Variants in PIGO observed in about 807,000 individuals in gnomAD.
PIGO encodes phosphatidylinositol glycan anchor biosynthesis class O, also known as GPI ethanolamine phosphate transferase 3, catalytic subunit.
Under a neutral mutation model 86.9 loss-of-function variants are expected in PIGO, and 66 were observed. The ratio of observed to expected loss-of-function variants is 0.76; its 90% confidence interval spans 0.62 to 0.93. The LOEUF (loss-of-function observed/expected upper bound fraction) is 0.93, where lower values mean the gene tolerates loss of function less well. PIGO is among the 40% of genes least tolerant of loss of function. The pLI is 0.00. For synonymous variants in PIGO, 570 were observed against 556.4 expected, an observed-to-expected ratio of 1.02 and a Z score of -0.34; for missense variants, 1,202 against 1,359.1, an observed-to-expected ratio of 0.88 and a Z score of 1.82.
In PIGO at chr9:35,090,635, C is replaced by G; in HGVS notation, c.2685G>C (p.Trp895Cys). 1 of 1,614,046 alleles carries G rather than the reference C, an allele frequency of 6.2e-7. No individual in the cohort carries two copies. The highest frequency in any genetic ancestry group is 8.5e-7 in the Non-Finnish European group (1 of 1,180,014). ...AGAAGGTCTGTGTGGCCATGAGGGC[C>G]CAAGCCGAGACTGCCTGCCATGGCA... ...FTVPWQAVSA[W>C]ALMATQTFYS... The change falls in exon 8 of 11, where the codon TGG becomes TGC. Residue 895 changes from tryptophan (W) to cysteine (C), a missense_variant. By Grantham distance (215) the Trp-to-Cys change is radical. Transcript: ENST00000378617.
Position 35,095,098 on chromosome 9 carries a change from G to A in PIGO, c.468C>T (p.His156=), listed in dbSNP as rs374876329. 68 of 1,612,120 alleles carry A rather than the reference G, an allele frequency of 4.2e-5. No individual in the cohort carries two copies. The highest frequency in any genetic ancestry group is 1.1e-4 in the African/African-American group (8 of 74,928). ...TAATGAGATTGTCTTCCACTATGGCGTGGCTGGCGAAGTTACTACCAGCAT... is the reference window on the plus strand; with the variant it reads ...TAATGAGATTGTCTTCCACTATGGCATGGCTGGCGAAGTTACTACCAGCAT... ...FIDAGSNFAS[H]AIVEDNLIKQ... The change falls in exon 2 of 11, where the codon CAC becomes CAT. Residue 156 remains histidine, a synonymous_variant. Coordinates refer to ENST00000378617, the MANE Select transcript of PIGO (RefSeq NM_032634.4).
chr9:35,091,240 C>G lies in PIGO; in HGVS notation c.2647G>C (p.Gly883Arg), dbSNP rs1321476050. The G allele has an allele frequency of 3.8e-6, 6 of 1,583,618 alleles. No homozygotes were observed. Among genetic ancestry groups the G allele is most frequent in the Non-Finnish European group, 5.2e-6 (6 of 1,164,510 alleles). The change falls in exon 7 of 11, where the codon GGT becomes CGT. Residue 883 changes from glycine to arginine, a missense_variant and splice_region_variant. Physicochemically the swap from Gly to Arg is moderately radical, Grantham distance 125 (BLOSUM62 -2). Coordinates refer to ENST00000378617, the MANE Select transcript of PIGO (RefSeq NM_032634.4). ...LAAGIPVTTP[G>R]PFTVPWQAVS... ...AGTGAATCAGAGCTGAGATATTTAC[C>G]AGGGGTGGTGACGGGTATCCCAGCA...
intron 9 of PIGO, 29 bp downstream of exon 9, chr9:35,090,037 C>G (rs1829340136): frequency 2.5e-6 from 4 of 1,592,864 alleles, no homozygotes; most frequent in African/African-American, 1.3e-5. Flanking sequence ...GAAAAAACAC[C>G]AACTCCCTGA....
At position 35,089,874 on chromosome 9, in the gene PIGO, G is replaced by T. The variant is rs1174857780; in HGVS notation, c.3069+192C>A. ...CAGATCTAGGTTGTAGAGGGGAAAT[G>T]ATCCAGGACTAGGATTAAGGAGACC... On this transcript the variant is annotated intron_variant, in intron 9 of 10. Coordinates refer to ENST00000378617, the MANE Select transcript of PIGO (RefSeq NM_032634.4). 2.1e-6 allele frequency: 3 copies of T among 1,422,024 alleles called. No individual in the cohort carries two copies. In the African/African-American group the frequency reaches 4.3e-5, roughly 20 times the overall value. The allele number at this position is 1,422,024 out of a possible 1,614,324, so 88.1% of individuals were successfully genotyped here. A position where few individuals can be genotyped will look rare whatever the true frequency, so the allele number is the denominator to read the frequency against.
Position 35,088,882 on chromosome 9 carries a change from T to C in PIGO, c.*210A>G. ...CTTCGGAGACCGCCCCCCTTGTCCC[T>C]CAGATGCATCCAAATCAGGAGTTAG... On this transcript the variant is annotated 3_prime_UTR_variant, in exon 11 of 11. Transcript: ENST00000378617. The C allele has an allele frequency of 1.5e-6, 1 of 647,368 alleles. No homozygotes were observed. Among genetic ancestry groups the C allele is most frequent in the Non-Finnish European group, 2.5e-6 (1 of 396,906 alleles). The allele number at this position is 647,368 out of a possible 1,614,324, so 40.1% of individuals were successfully genotyped here.
rs745507962 is a variant in PIGO at position 35,092,736 on chromosome 9, G to A, written c.1151C>T (p.Ala384Val). ...VSRFLHTYSAATQDLQAKELH... is the reference protein window; with the variant it reads ...VSRFLHTYSAVTQDLQAKELH... Reference sequence around the variant, plus strand: ...CTCCTTAGCTTGAAGGTCCTGAGTAGCAGCTGAGTAGGTATGAAGAAATCG... The same window carrying A: ...CTCCTTAGCTTGAAGGTCCTGAGTAACAGCTGAGTAGGTATGAAGAAATCG... Residue 384 changes from alanine to valine, a missense_variant, in exon 7 of 11, where the codon GCT becomes GTT. Physicochemically the swap from Ala to Val is moderately conservative, Grantham distance 64. Coordinates refer to ENST00000378617, the MANE Select transcript of PIGO (RefSeq NM_032634.4). The A allele has an allele frequency of 6.8e-6, 11 of 1,612,122 alleles. No homozygotes were observed. Among genetic ancestry groups the A allele is most frequent in the Admixed American group, 5.0e-5 (3 of 59,520 alleles).
At chr9:35,093,710 A>C in intron 4 of PIGO, 130 bp from the exon 5 acceptor site, 1 of 1,416,072 alleles carries the variant, frequency 7.1e-7, no homozygotes, top group East Asian at 2.4e-5. Flanking sequence ...CCTTTGGCAA[A>C]GAGACATGTC....
chr9:35,092,996 C>T (rs746786894), intron 6 of PIGO, 34 bp downstream of exon 6: 2 of 1,588,754 alleles, frequency 1.3e-6, no homozygotes, highest in African/African-American at 1.3e-5. Flanking sequence ...CCCACCCTAG[C>T]TCTGTCACCT....
rs1829344279 is a variant in PIGO at position 35,090,119 on chromosome 9, A to G, written c.3016T>C (p.Tyr1006His). ...AGGCCCAGCTGCAGCAGTGCTGCAT[A>G]GAAGTGCTGAGGCGCATCCCGGAGC... Reference protein sequence around the residue: ...MRLRDAPQHFYAALLQLGLKY... With the variant: ...MRLRDAPQHFHAALLQLGLKY... The change falls in exon 9 of 11, where the codon TAT becomes CAT. Residue 1006 changes from tyrosine to histidine, a missense_variant. By Grantham distance (83) the Tyr-to-His change is moderately conservative (BLOSUM62 2). Coordinates refer to ENST00000378617, the MANE Select transcript of PIGO (RefSeq NM_032634.4). The G allele has an allele frequency of 6.2e-7, 1 of 1,614,126 alleles. No homozygotes were observed. Among genetic ancestry groups the G allele is most frequent in the Non-Finnish European group, 8.5e-7 (1 of 1,180,052 alleles).
rs374458317 is a variant in PIGO, at chr9:35,089,167, G to A, written c.3195C>T (p.Gly1065=). The change falls in exon 11 of 11, where the codon GGC becomes GGT. Residue 1065 remains glycine (G), a synonymous_variant. Transcript: ENST00000378617. ...CATCCACTCTCATCACCAAAGCTAT[G>A]CCCAGGAGAAGTCCCACGCTGCTCA... ...FIVSSVGLLL[G]IALVMRVDGA... is the part of the protein sequence containing the mutation. The A allele has an allele frequency of 1.4e-5, 22 of 1,614,022 alleles. No individual in the cohort carries two copies. The highest frequency in any genetic ancestry group is 1.6e-5 in the Non-Finnish European group (19 of 1,180,038).
chr9:35,093,567 G>T lies in PIGO; in HGVS notation c.793C>A (p.Arg265Ser). ...MDQVIQGLVERLENDTLLVVA... is the reference protein window; with the variant it reads ...MDQVIQGLVESLENDTLLVVA... ...ACCAGCAGTGTGTCATTCTCCAGACGCTCCACAAGTCCCCTGGGGGCCAAT... is the reference window on the plus strand; with the variant it reads ...ACCAGCAGTGTGTCATTCTCCAGACTCTCCACAAGTCCCCTGGGGGCCAAT... The change falls in exon 5 of 11, where the codon CGT (arginine) becomes AGT (serine). Residue 265 changes from arginine (R) to serine (S), a missense_variant. By Grantham distance (110) the Arg-to-Ser change is moderately radical (BLOSUM62 -1). Transcript: ENST00000378617. The T allele has an allele frequency of 6.2e-7, 1 of 1,610,198 alleles. No individual in the cohort carries two copies. Among genetic ancestry groups the T allele is most frequent in the Non-Finnish European group, 8.5e-7 (1 of 1,178,162 alleles).
intron 2 of PIGO, 52 bp from the exon 3 acceptor site, chr9:35,094,411 AGAAAAGAG>A (rs886680610): frequency 1.9e-6 from 3 of 1,569,020 alleles, no homozygotes; most frequent in Non-Finnish European, 2.6e-6. Context: ...CAGGGTTAGG[AGAAAAGAG>A]GAAAAGAGGC....
chr9:35,090,217 T>A lies in PIGO; in HGVS notation c.2918A>T (p.Gln973Leu). 6.2e-7 allele frequency: 1 copy of A among 1,614,210 alleles called. No individual in the cohort carries two copies. The highest frequency in any genetic ancestry group is 2.2e-5 in the East Asian group (1 of 44,882). Reference sequence around the variant, plus strand: ...ATCAGCTTCATTCCCTGGGGGCTGCTGTCTCTTCCGCAGCCCTTGACTCTC... The same window carrying A: ...ATCAGCTTCATTCCCTGGGGGCTGCAGTCTCTTCCGCAGCCCTTGACTCTC... ...LCESQGLRKR[Q>L]QPPGNEADAR... The change falls in exon 9 of 11, where the codon CAG becomes CTG. Residue 973 changes from glutamine (Q) to leucine (L), a missense_variant. Gln to Leu is a moderately radical substitution (Grantham distance 113). Coordinates refer to ENST00000378617, the MANE Select transcript of PIGO (RefSeq NM_032634.4).
Position 35,093,052 on chromosome 9 carries a change from G to A in PIGO, c.1097C>T (p.Ala366Val), listed in dbSNP as rs1275221836. The A allele has an allele frequency of 1.2e-6, 2 of 1,611,546 alleles. No homozygotes were observed. The highest frequency in any genetic ancestry group is 1.1e-5 in the South Asian group (1 of 91,040). Reference sequence around the variant, plus strand: ...TACCTGCTGAGCATTGAGATGGAGAGCTGAGGCTTGGGCTAAAGCAGAGGA... The same window carrying A: ...TACCTGCTGAGCATTGAGATGGAGAACTGAGGCTTGGGCTAAAGCAGAGGA... ...PHSSALAQAS[A>V]LHLNAQQVSR... Residue 366 changes from alanine (A) to valine (V), a missense_variant, in exon 6 of 11, where the codon GCT becomes GTT. By Grantham distance (64) the Ala-to-Val change is moderately conservative. Transcript: ENST00000378617.
rs572766538 is a variant in PIGO, at chr9:35,089,589, G to T, written c.3070-139C>A. The T allele has an allele frequency of 2.0e-5, 30 of 1,489,696 alleles. No homozygotes were observed. The African/African-American group carries it at 2.8e-4, about 14-fold the overall frequency. 92.3% of individuals were successfully genotyped at this position (1,489,696 alleles called of 1,614,324 possible). On this transcript the variant is annotated intron_variant, in intron 9 of 10. Transcript: ENST00000378617. ...AGTGGAAAAAATATTGCATGTCCTG[G>T]GCTAGGAGTTAGGAGACCTACTTCC...
rs1829630397 is a variant in PIGO, at chr9:35,095,479, C to T, written c.87G>A (p.Leu29=). The change falls in exon 2 of 11, where the codon CTG becomes CTA. Residue 29 remains leucine, a synonymous_variant. Coordinates refer to ENST00000378617, the MANE Select transcript of PIGO (RefSeq NM_032634.4). The part of the protein sequence containing the change: ...AGIALFTSGF[L]LTRLELTNHS... Reference sequence around the variant, plus strand: ...GGTTGGTGAGCTCCAAACGGGTGAGCAGGAAGCCACTGGTGAAGAGGGCAA... The same window carrying T: ...GGTTGGTGAGCTCCAAACGGGTGAGTAGGAAGCCACTGGTGAAGAGGGCAA... The T allele has an allele frequency of 4.3e-6, 7 of 1,613,170 alleles. No individual in the cohort carries two copies. The highest frequency in any genetic ancestry group is 5.9e-6 in the Non-Finnish European group (7 of 1,179,680).
At chr9:35,090,023 C>T (rs765963290) in intron 9 of PIGO, 43 bp downstream of exon 9, 4 of 1,583,862 alleles carry the variant, frequency 2.5e-6, no homozygotes, top group Admixed American at 3.4e-5. Context: ...GATGCACACA[C>T]AGAGAAAAAA....
rs755241789 is a variant in PIGO, at chr9:35,090,324, G to C, written c.2855-44C>G. The C allele has an allele frequency of 1.9e-6, 3 of 1,595,068 alleles. No individual in the cohort carries two copies. In the South Asian group the frequency reaches 3.3e-5, roughly 18 times the overall value. ...TGGCTGGAATCAACAGGCCACCCTG[G>C]CTGGCTCAGGTTCCAATTAGCCTAG... is the stretch of plus-strand genomic sequence containing the variant. On this transcript the variant is annotated intron_variant, in intron 8 of 10. Transcript: ENST00000378617.
chr9:35,094,804 A>T (rs765885266), intron 2 of PIGO, among the ~76,000 whole-genome samples: 12 of 152,274 alleles, frequency 7.9e-5, no homozygotes, highest in South Asian at 2.1e-4. Flanking sequence ...GCTTCATAGG[A>T]ACAAAGCCCA....
Sources: gnomAD v4.1 joint callset for allele counts (sites outside exome capture counted in the v4.1 genomes callset) on GRCh38, gnomAD v4.1.1 for gene constraint, MANE v1.5 for transcripts, NCBI Gene and HGNC (gene_info 2026-07-23, HGNC 2026-07-21) for gene names.